PSMB5: variants seen among roughly 807,000 people sequenced by gnomAD.
PSMB5 encodes the protein proteasome subunit beta type-5.
In PSMB5, 2 loss-of-function variants were observed where a neutral mutation model predicts 22.8. The ratio of observed to expected loss-of-function variants is 0.09; its 90% CI spans 0.04 to 0.28. The LOEUF is 0.28. Ranked by LOEUF, PSMB5 falls within the 10% of genes least tolerant of loss-of-function variation. The probability of loss-of-function intolerance (pLI) is 1.00; values close to 1 mark genes in which losing one functional copy is unlikely to be tolerated. For synonymous variants in PSMB5, 133 were observed against 135.3 expected (o/e 0.98, Z 0.12); for missense variants, 269 against 343.8 (o/e 0.78, Z 1.72).
At chr14:23,029,400 CCTTT>C (rs2046937405) in intron 2 of PSMB5, among the ~76,000 whole-genome samples, 1 of 152,262 alleles carries the variant, frequency 6.6e-6, no homozygotes, top group East Asian at 1.9e-4. Flanking sequence ...TTCTTTCCTC[CCTTT>C]CTTTGTTATG....
Position 23,025,861 on chromosome 14 carries a change from T to G in PSMB5, c.*228A>C. 2 of 1,388,772 alleles carry G rather than the reference T, an allele frequency of 1.4e-6. No homozygotes were observed. Among genetic ancestry groups the G allele is most frequent in the South Asian group, 1.5e-5 (1 of 64,752 alleles). 86.0% of individuals were successfully genotyped at this position (1,388,772 alleles called of 1,614,324 possible). On this transcript the variant is annotated 3_prime_UTR_variant, in exon 3 of 3. Transcript: ENST00000361611. ...AGATGCAACACAGGCTGAGATTGAG[T>G]AGTGAGTAGTGTAATGTTAACATCC...
chr14:23,034,534 T>A, intron 1 of PSMB5, 150 bp downstream of exon 1: 1 of 900,392 alleles, frequency 1.1e-6, no homozygotes, highest in Middle Eastern at 3.5e-4. Context: ...CCTGGGCCAA[T>A]GAGACAGCAA....
At chr14:23,030,983 T>A (rs2046949211) in intron 2 of PSMB5, among the ~76,000 whole-genome samples, 1 of 152,182 alleles carries the variant, frequency 6.6e-6, no homozygotes, top group South Asian at 2.1e-4. Context: ...GGGTTTCAAA[T>A]TCTGGGAATG....
chr14:23,033,240 G>C (rs2046966786), intron 2 of PSMB5, 128 bp downstream of exon 2: 1 of 972,872 alleles, frequency 1.0e-6, no homozygotes, highest in East Asian at 2.4e-5. Context: ...AAAAAAGAGA[G>C]AAGGAAGGGC....
chr14:23,030,468 G>A lies in PSMB5; in HGVS notation c.505+2900C>T, dbSNP rs565863666. On this transcript the variant is annotated intron_variant, in intron 2 of 2. Transcript: ENST00000361611. The stretch of plus-strand genomic sequence containing the variant: ...GGCACCACTGCACTCCAGCCTGGGC[G>A]ACAGAGCGAGACTCCGTCTCAATAA... 1.1e-3 allele frequency among the ~76,000 whole-genome samples: 164 copies of A among 151,224 alleles called. 1 individual carries two copies. The highest frequency in any genetic ancestry group is 2.3e-3 in the South Asian group (11 of 4,782).
chr14:23,034,333 T>G (rs1416850906), intron 1 of PSMB5: 4 of 248,468 alleles, frequency 1.6e-5, no homozygotes, highest in African/African-American at 4.5e-5. Context: ...TTTCCAAAAC[T>G]TTGGTAAACG....
In PSMB5 at chr14:23,034,755, C is replaced by A; in HGVS notation, c.127G>T (p.Ala43Ser). The A allele has an allele frequency of 6.2e-7, 1 of 1,614,120 alleles. No individual in the cohort carries two copies. The highest frequency in any genetic ancestry group is 2.2e-5 in the East Asian group (1 of 44,870). ...TCTTCTGGGACACCCCAGCCTGGCG[C>A]GGCCAGGCTCAGACCATCACTGAGA... Reference protein sequence around the residue: ...GSLSDGLSLAAPGWGVPEEPG... With the variant: ...GSLSDGLSLASPGWGVPEEPG... The change falls in exon 1 of 3, where the codon GCG becomes TCG. Residue 43 changes from alanine (A) to serine (S), a missense_variant. Physicochemically the swap from Ala to Ser is moderately conservative, Grantham distance 99. Transcript: ENST00000361611.
rs2046967495 is a variant in PSMB5 at position 23,033,353 on chromosome 14, T to C, written c.505+15A>G. The C allele has an allele frequency of 6.3e-7, 1 of 1,599,782 alleles. No homozygotes were observed. The highest frequency in any genetic ancestry group is 1.7e-5 in the Admixed American group (1 of 59,774). ...AGTGTCAGCCCAAGGATCATGTGGT[T>C]GCAGCTTAACTCACCAGGGCCTCTC... is the stretch of plus-strand genomic sequence containing the variant. On this transcript the variant is annotated intron_variant, in intron 2 of 2. Coordinates refer to ENST00000361611, the MANE Select transcript of PSMB5 (RefSeq NM_002797.5).
rs779229517 is a variant in PSMB5, at chr14:23,033,378, C to G, written c.495G>C (p.Lys165Asn). The G allele has an allele frequency of 6.2e-7, 1 of 1,609,840 alleles. No individual in the cohort carries two copies. The highest frequency in any genetic ancestry group is 8.5e-7 in the Non-Finnish European group (1 of 1,176,682). The change falls in exon 2 of 3, where the codon AAG becomes AAC. Residue 165 changes from lysine to asparagine, a missense_variant. Physicochemically the swap from Lys to Asn is moderately conservative, Grantham distance 94. Coordinates refer to ENST00000361611, the MANE Select transcript of PSMB5 (RefSeq NM_002797.5). ...SMGTMICGWD[K>N]RGPGLYYVDS... ...TGCAGCTTAACTCACCAGGGCCTCT[C>G]TTATCCCAGCCACAGATCATGGTGC...
intron 2 of PSMB5, chr14:23,027,768 A>G: frequency 6.5e-7 from 1 of 1,548,606 alleles, no homozygotes; most frequent in Non-Finnish European, 8.7e-7. Context: ...CGATCCTCTC[A>G]GCACACCCAC....
In PSMB5 at chr14:23,025,999, C is replaced by T; in HGVS notation, c.*90G>A. 1 of 1,552,568 alleles carries T rather than the reference C, an allele frequency of 6.4e-7. No individual in the cohort carries two copies. Among genetic ancestry groups the T allele is most frequent in the Non-Finnish European group, 8.7e-7 (1 of 1,149,102 alleles). The stretch of plus-strand genomic sequence containing the variant: ...GTACTGATACAATTGAAGGCCCTTC[C>T]ACTATAAATAGGATGGAGGATGGGT... On this transcript the variant is annotated 3_prime_UTR_variant, in exon 3 of 3. Coordinates refer to ENST00000361611, the MANE Select transcript of PSMB5 (RefSeq NM_002797.5).
chr14:23,034,266 C>A (rs2046975349), intron 1 of PSMB5, among the ~76,000 whole-genome samples: 1 of 152,202 alleles, frequency 6.6e-6, no homozygotes, highest in Non-Finnish European at 1.5e-5. Flanking sequence ...TGCTTACCCT[C>A]ACCACGCTTC....
chr14:23,028,420 C>T (rs7147308), intron 2 of PSMB5, among the ~76,000 whole-genome samples: 64,049 of 152,164 alleles, frequency 0.42, 17,440 homozygotes, highest in African/African-American at 0.78. Flanking sequence ...ACTAGCCACA[C>T]AGGACTAGTT....
chr14:23,034,061 C>T (rs943179538), intron 1 of PSMB5, among the ~76,000 whole-genome samples: 1 of 151,146 alleles, frequency 6.6e-6, no homozygotes, highest in African/African-American at 2.4e-5. Flanking sequence ...GTGTCAGCTA[C>T]TCTGGAGGCT....
Position 23,025,917 on chromosome 14 carries a change from G to C in PSMB5, c.*172C>G, listed in dbSNP as rs994449316. 2.5e-5 allele frequency: 36 copies of C among 1,451,988 alleles called. No individual in the cohort carries two copies. Among genetic ancestry groups the C allele is most frequent in the Non-Finnish European group, 8.1e-6 (9 of 1,107,078 alleles). The allele number at this position is 1,451,988 out of a possible 1,614,324, so 89.9% of individuals were successfully genotyped here. A position where few individuals can be genotyped will look rare whatever the true frequency, so the allele number is the denominator to read the frequency against. ...AGTAAAACAAATAGTCACCTCTGCAGCAGCTCATTAATGACTGGTAACACA... is the reference window on the plus strand; with the variant it reads ...AGTAAAACAAATAGTCACCTCTGCACCAGCTCATTAATGACTGGTAACACA... On this transcript the variant is annotated 3_prime_UTR_variant, in exon 3 of 3. Coordinates refer to ENST00000361611, the MANE Select transcript of PSMB5 (RefSeq NM_002797.5).
chr14:23,033,753 T>G (rs1237075651), intron 1 of PSMB5, 79 bp from the exon 2 acceptor site: 1 of 1,292,054 alleles, frequency 7.7e-7, no homozygotes, highest in Non-Finnish European at 1.1e-6. Flanking sequence ...TTTGCATCAA[T>G]CCAAACCCAG....
In PSMB5 at chr14:23,025,996, T is replaced by A; in HGVS notation, c.*93A>T. On this transcript the variant is annotated 3_prime_UTR_variant, in exon 3 of 3. Transcript: ENST00000361611. ...AAAGTACTGATACAATTGAAGGCCCTTCCACTATAAATAGGATGGAGGATG... is the reference window on the plus strand; with the variant it reads ...AAAGTACTGATACAATTGAAGGCCCATCCACTATAAATAGGATGGAGGATG... 1 of 1,551,732 alleles carries A rather than the reference T, an allele frequency of 6.4e-7. No homozygotes were observed. Among genetic ancestry groups the A allele is most frequent in the South Asian group, 1.2e-5 (1 of 80,124 alleles).
At chr14:23,034,929 T>G, upstream of PSMB5, 1 of 1,579,420 alleles carries the variant, frequency 6.3e-7, no homozygotes, top group Non-Finnish European at 8.6e-7. Flanking sequence ...CTAGCAAAGA[T>G]AGGCCGGGCA....
At position 23,034,869 on chromosome 14, in the gene PSMB5, T is replaced by C. The variant is rs748173825; in HGVS notation, c.13A>G (p.Ser5Gly). ...ACCGGTAGCGGTCTCTCCAACACGC[T>C]GGCAAGCGCCATGTCTAGTGTGGGC... Reference protein sequence around the residue: MALASVLERPLPVNQ... With the variant: MALAGVLERPLPVNQ... The change falls in exon 1 of 3, where the codon AGC (serine) becomes GGC (glycine). Residue 5 changes from serine to glycine, a missense_variant. Ser to Gly is a moderately conservative substitution (Grantham distance 56). This residue lies in a region of PSMB5 where 81 missense variants were observed against 70.4 expected (regional missense o/e 1.15). Transcript: ENST00000361611. The C allele has an allele frequency of 4.3e-6, 7 of 1,613,984 alleles. No homozygotes were observed. Among genetic ancestry groups the C allele is most frequent in the Non-Finnish European group, 4.2e-6 (5 of 1,179,998 alleles).
Sources: allele counts gnomAD v4.1 joint callset (sites outside exome capture counted in the v4.1 genomes callset), GRCh38; gene constraint gnomAD v4.1.1; regional missense constraint gnomAD v4.1.1; transcripts MANE v1.5; gene names NCBI Gene and HGNC (gene_info 2026-07-23, HGNC 2026-07-21).